The following OMD variants were observed in gnomAD, a reference collection of about 807,000 sequenced individuals.
The protein encoded by OMD is KSPG osteomodulin.
A neutral mutation model predicts 31.2 loss-of-function variants in OMD; 19 were observed. The observed-to-expected ratio is 0.61, with a 90% CI of 0.42 to 0.89. OMD has a LOEUF of 0.89. Ranked by LOEUF, OMD falls within the 40% of genes least tolerant of loss-of-function variation. OMD has a pLI of 0.00. For synonymous variants in OMD, 155 were observed against 166.4 expected (o/e 0.93, Z 0.53); for missense variants, 448 against 490.8 (o/e 0.91, Z 0.82).
rs757007386 is a variant in OMD at position 92,417,472 on chromosome 9, T to G, written c.87A>C (p.Glu29Asp). 4.3e-6 allele frequency: 7 copies of G among 1,613,804 alleles called. No homozygotes were observed. In the East Asian group the frequency reaches 1.6e-4, roughly 36 times the overall value. ...HCQYETYQWD[E>D]DYDQEPDDDY... ...CATCATCTGGCTCTTGGTCATAGTCTTCATCCCACTGATAAGTTTCATATT... is the reference window on the plus strand; with the variant it reads ...CATCATCTGGCTCTTGGTCATAGTCGTCATCCCACTGATAAGTTTCATATT... Residue 29 changes from glutamate (E) to aspartate (D), a missense_variant, in exon 2 of 3, where the codon GAA becomes GAC. Coordinates refer to ENST00000375550, the MANE Select transcript of OMD (RefSeq NM_005014.3).
chr9:92,415,108 A>G lies in OMD; in HGVS notation c.*44T>C, dbSNP rs745480492. The stretch of plus-strand genomic sequence containing the variant: ...TTTACTTAGATTTACTATATTAAGT[A>G]TAGGTTTTGTGAAGTCGTAAGTGTA... On this transcript the variant is annotated 3_prime_UTR_variant, in exon 3 of 3. Transcript: ENST00000375550. 3 of 1,392,898 alleles carry G rather than the reference A, an allele frequency of 2.2e-6. No homozygotes were observed. The highest frequency in any genetic ancestry group is 2.9e-6 in the Non-Finnish European group (3 of 1,020,192). 86.3% of individuals were successfully genotyped at this position (1,392,898 alleles called of 1,614,324 possible).
In OMD at chr9:92,412,657, A is replaced by C. The variant is rs1843476305; in HGVS notation, c.*2495T>G. On this transcript the variant is annotated 3_prime_UTR_variant, in exon 3 of 3. Transcript: ENST00000375550. ...TCTTTCACTGAGCATAATGTTTTCA[A>C]GGTTATCCATGTTGTAGCATATGTC... 6.6e-6 allele frequency among the ~76,000 whole-genome samples: 1 copy of C among 152,192 alleles called. No individual in the cohort carries two copies. The highest frequency in any genetic ancestry group is 2.4e-5 in the African/African-American group (1 of 41,468).
chr9:92,420,818 T>C (rs1843769070), intron 1 of OMD, among the ~76,000 whole-genome samples: 1 of 152,294 alleles, frequency 6.6e-6, no homozygotes, highest in Admixed American at 6.5e-5. Context: ...AACTCTATAT[T>C]ACATCCATTT....
At chr9:92,421,070 A>G (rs1843776441) in intron 1 of OMD, among the ~76,000 whole-genome samples, 1 of 152,058 alleles carries the variant, frequency 6.6e-6, no homozygotes, top group African/African-American at 2.4e-5. Context: ...TTTCTGAGAC[A>G]GTCTCACTCT....
intron 1 of OMD, among the ~76,000 whole-genome samples, chr9:92,420,421 C>T (rs1015525071): frequency 6.6e-6 from 1 of 152,190 alleles, no homozygotes; most frequent in Non-Finnish European, 1.5e-5. Flanking sequence ...AATTCTCTAC[C>T]TACTCACAGC....
rs113363944 is a variant in OMD, at chr9:92,421,401, G to T, written c.-17+2801C>A. Among the ~76,000 whole-genome samples the T allele has an allele frequency of 1.1e-3, 163 of 152,308 alleles. 1 individual carries two copies. The highest frequency in any genetic ancestry group is 3.7e-3 in the African/African-American group (154 of 41,568). ...TCTGGGAATGAATGCCTAATTTAAT[G>T]AATTAACATATTTGGGCTGTGATTT... On this transcript the variant is annotated intron_variant, in intron 1 of 2. Coordinates refer to ENST00000375550, the MANE Select transcript of OMD (RefSeq NM_005014.3).
In OMD at chr9:92,414,588, A is replaced by G; in HGVS notation, c.*564T>C. On this transcript the variant is annotated 3_prime_UTR_variant, in exon 3 of 3. Coordinates refer to ENST00000375550, the MANE Select transcript of OMD (RefSeq NM_005014.3). ...TACCTGGATGGCCTCTTACAAATCA[A>G]AAATATCATTCTATGTGCTATGTGG... 4.8e-6 allele frequency: 1 copy of G among 209,490 alleles called. No homozygotes were observed. The highest frequency in any genetic ancestry group is 9.7e-6 in the Non-Finnish European group (1 of 103,018). 13.0% of individuals were successfully genotyped at this position (209,490 alleles called of 1,614,324 possible). A position where few individuals can be genotyped will look rare whatever the true frequency, so the allele number is the denominator to read the frequency against.
intron 1 of OMD, among the ~76,000 whole-genome samples, chr9:92,422,142 C>G (rs1843823423): frequency 1.3e-5 from 2 of 152,020 alleles, no homozygotes. Context: ...CCTCCGCCTC[C>G]CAGGCTCAAG....
At chr9:92,420,416 T>G (rs1843753939) in intron 1 of OMD, among the ~76,000 whole-genome samples, 1 of 152,224 alleles carries the variant, frequency 6.6e-6, no homozygotes, top group South Asian at 2.1e-4. Flanking sequence ...ACTCCAATTC[T>G]CTACCTACTC....
rs925996109 is a variant in OMD at position 92,417,213 on chromosome 9, G to A, written c.346C>T (p.His116Tyr). Residue 116 changes from histidine (H) to tyrosine (Y), a missense_variant, in exon 2 of 3, where the codon CAT (histidine) becomes TAT (tyrosine). Physicochemically the swap from His to Tyr is moderately conservative, Grantham distance 83 (BLOSUM62 2). Transcript: ENST00000375550. ...TGGCTGAGGTTAATTTCTTTAAGATGAGTTGCATTGATGAATGAATTTGCA... is the reference window on the plus strand; with the variant it reads ...TGGCTGAGGTTAATTTCTTTAAGATAAGTTGCATTGATGAATGAATTTGCA... Reference protein sequence around the residue: ...VTANSFINATHLKEINLSHNK... With the variant: ...VTANSFINATYLKEINLSHNK... 2.5e-6 allele frequency: 4 copies of A among 1,613,894 alleles called. No individual in the cohort carries two copies. In the African/African-American group the frequency reaches 4.0e-5, roughly 16 times the overall value.
Position 92,412,685 on chromosome 9 carries a change from T to G in OMD, c.*2467A>C, listed in dbSNP as rs1340667924. Among the ~76,000 whole-genome samples the G allele has an allele frequency of 6.6e-6, 1 of 152,238 alleles. No individual in the cohort carries two copies. Among genetic ancestry groups the G allele is most frequent in the East Asian group, 1.9e-4 (1 of 5,198 alleles). ...TTATCCATGTTGTAGCATATGTCAG[T>G]GCTTCGTTACTTTTTATTGCTGAAT... On this transcript the variant is annotated 3_prime_UTR_variant, in exon 3 of 3. Coordinates refer to ENST00000375550, the MANE Select transcript of OMD (RefSeq NM_005014.3).
chr9:92,416,058 G>GTGTGTGTATATA (rs6151074), intron 2 of OMD, among the ~76,000 whole-genome samples: 35 of 130,912 alleles, frequency 2.7e-4, no homozygotes, highest in South Asian at 5.0e-4. Context: ...ATATATGTGT[G>GTGTGTGTATATA]TATATATATA....
At position 92,416,799 on chromosome 9, in the gene OMD, C is replaced by G. The variant is rs763598033; in HGVS notation, c.760G>C (p.Asp254His). The change falls in exon 2 of 3, where the codon GAC (aspartate) becomes CAC (histidine). Residue 254 changes from aspartate (D) to histidine (H), a missense_variant. Transcript: ENST00000375550. ...AGAGTATGAAGTTTTGGAAGTTTGT[C>G]GAAGTATTTTTCGGGTATAGAAGAA... Reference protein sequence around the residue: ...SISSIPEKYFDKLPKLHTLRM... With the variant: ...SISSIPEKYFHKLPKLHTLRM... 9 of 1,613,648 alleles carry G rather than the reference C, an allele frequency of 5.6e-6. No individual in the cohort carries two copies. The South Asian group carries it at 6.6e-5, about 12-fold the overall frequency.
chr9:92,416,930 T>C lies in OMD; in HGVS notation c.629A>G (p.Lys210Arg). Residue 210 changes from lysine (K) to arginine (R), a missense_variant, in exon 2 of 3, where the codon AAA (lysine) becomes AGA (arginine). By Grantham distance (26) the Lys-to-Arg change is conservative. Transcript: ENST00000375550. The stretch of plus-strand genomic sequence containing the variant: ...GTTGAGCTGCATTAGTTTTTCCATT[T>C]TGGCAAAGATTTTGTCTTTTAGCAG... Reference protein sequence around the residue: ...DSLLKDKIFAKMEKLMQLNLC... With the variant: ...DSLLKDKIFARMEKLMQLNLC... The C allele has an allele frequency of 6.2e-7, 1 of 1,614,062 alleles. No individual in the cohort carries two copies. The highest frequency in any genetic ancestry group is 1.7e-5 in the Admixed American group (1 of 60,034).
At position 92,415,148 on chromosome 9, in the gene OMD, C is replaced by T. The variant is rs2130954769; in HGVS notation, c.*4G>A. The T allele has an allele frequency of 6.3e-7, 1 of 1,597,132 alleles. No homozygotes were observed. The highest frequency in any genetic ancestry group is 8.5e-7 in the Non-Finnish European group (1 of 1,174,114). On this transcript the variant is annotated 3_prime_UTR_variant, in exon 3 of 3. Coordinates refer to ENST00000375550, the MANE Select transcript of OMD (RefSeq NM_005014.3). ...TCGTAAGTGTATACCTATATAGTTTCTTGCTATTCTTGATTTTCATAATAA... is the reference window on the plus strand; with the variant it reads ...TCGTAAGTGTATACCTATATAGTTTTTTGCTATTCTTGATTTTCATAATAA...
In OMD at chr9:92,414,769, CA is replaced by C. The variant is rs1843538598; in HGVS notation, c.*382del. The C allele has an allele frequency of 8.9e-6, 2 of 225,444 alleles. No individual in the cohort carries two copies. The highest frequency in any genetic ancestry group is 5.6e-5 in the Admixed American group (1 of 17,788). The allele number at this position is 225,444 out of a possible 1,614,324, so 14.0% of individuals were successfully genotyped here. A position where few individuals can be genotyped will look rare whatever the true frequency, so the allele number is the denominator to read the frequency against. On this transcript the variant is annotated 3_prime_UTR_variant, in exon 3 of 3. Transcript: ENST00000375550. ...ATTTAAATATTGTCCTCAGAGTGAT[CA>C]AAAAGGTCATGGCCTGTGGGTCTTT... is the stretch of plus-strand genomic sequence containing the variant.
chr9:92,414,961 T>C lies in OMD; in HGVS notation c.*191A>G. 1 of 391,696 alleles carries C rather than the reference T, an allele frequency of 2.6e-6. No homozygotes were observed. Among genetic ancestry groups the C allele is most frequent in the Non-Finnish European group, 4.5e-6 (1 of 222,886 alleles). 24.3% of individuals were successfully genotyped at this position (391,696 alleles called of 1,614,324 possible). A position where few individuals can be genotyped will look rare whatever the true frequency, so the allele number is the denominator to read the frequency against. Reference sequence around the variant, plus strand: ...TCATTCTAATTTATATTTTTAAAGATTTACATTATTTTGAGTAAGTTCTAA... The same window carrying C: ...TCATTCTAATTTATATTTTTAAAGACTTACATTATTTTGAGTAAGTTCTAA... On this transcript the variant is annotated 3_prime_UTR_variant, in exon 3 of 3. Transcript: ENST00000375550.
chr9:92,422,269 G>A (rs534729330), intron 1 of OMD, among the ~76,000 whole-genome samples: 2 of 152,190 alleles, frequency 1.3e-5, no homozygotes, highest in Non-Finnish European at 2.9e-5. Flanking sequence ...GGCCAGCCTG[G>A]TCTCGAACTC....
Position 92,412,947 on chromosome 9 carries a change from T to A in OMD, c.*2205A>T, listed in dbSNP as rs1843484700. Among the ~76,000 whole-genome samples, 1 of 149,086 alleles carries A rather than the reference T, an allele frequency of 6.7e-6. No homozygotes were observed. On this transcript the variant is annotated 3_prime_UTR_variant, in exon 3 of 3. Coordinates refer to ENST00000375550, the MANE Select transcript of OMD (RefSeq NM_005014.3). ...GTTCTATTGGGTATATAGTTAGGAA[T>A]GGAATCGCTGGGTTATATGTAACTA...
Sources: gnomAD v4.1 joint callset for allele counts (sites outside exome capture counted in the v4.1 genomes callset) on GRCh38, gnomAD v4.1.1 for gene constraint, MANE v1.5 for transcripts, NCBI Gene and HGNC (gene_info 2026-07-23, HGNC 2026-07-21) for gene names.